ERCC1: variants seen among roughly 807,000 people sequenced by gnomAD.
ERCC1 encodes DNA excision repair protein ERCC-1.
A neutral mutation model predicts 37.6 loss-of-function variants in ERCC1; 36 were observed. That is an observed-to-expected ratio of 0.96 (90% CI 0.73 to 1.26). The LOEUF (loss-of-function observed/expected upper bound fraction) is 1.26, where lower values mean the gene tolerates loss of function less well. Among genes scored for constraint, ERCC1 ranks in the 50% most tolerant of loss-of-function variants. ERCC1 has a pLI of 0.00. For synonymous variants in ERCC1, 156 were observed against 162.1 expected (o/e 0.96, Z 0.28); for missense variants, 349 against 376.5 (o/e 0.93, Z 0.60).
chr19:45,415,651 A>AC (rs1279199980), intron 6 of ERCC1, among the ~76,000 whole-genome samples: 2 of 151,616 alleles, frequency 1.3e-5, no homozygotes, highest in Admixed American at 1.3e-4. Context: ...AAAAAAAAAA[A>AC]AAAAAAACAA....
At chr19:45,428,067 T>TTTTC (rs1174150788), upstream of ERCC1, among the ~76,000 whole-genome samples, 721 of 145,930 alleles carry the variant, frequency 4.9e-3, 1 homozygote, top group Non-Finnish European at 8.2e-3. Context: ...CTTTTTTTCT[T>TTTTC]TTTCTTTCTT....
At chr19:45,428,240 G>T (rs1357346245), upstream of ERCC1, among the ~76,000 whole-genome samples, 1 of 141,236 alleles carries the variant, frequency 7.1e-6, no homozygotes, top group Non-Finnish European at 1.5e-5. Context: ...GCGCCACCAC[G>T]CCTGGCCAAC....
chr19:45,420,120 C>G lies in ERCC1; in HGVS notation c.425+204G>C, dbSNP rs1353148407. Among the ~76,000 whole-genome samples the G allele has an allele frequency of 6.6e-6, 1 of 152,110 alleles. No individual in the cohort carries two copies. Among genetic ancestry groups the G allele is most frequent in the Admixed American group, 6.5e-5 (1 of 15,272 alleles). On this transcript the variant is annotated intron_variant, in intron 4 of 9. Coordinates refer to ENST00000300853, the MANE Select transcript of ERCC1 (RefSeq NM_001983.4). The surrounding 1 kb of genome is among the most constrained non-coding windows in gnomAD (Gnocchi z 4.8). ...CCCCCAGCCCCTCCTTCCTGAGACCCAGGAGTTCGGGCTCCAGCTCTTGTT... is the reference window on the plus strand; with the variant it reads ...CCCCCAGCCCCTCCTTCCTGAGACCGAGGAGTTCGGGCTCCAGCTCTTGTT...
chr19:45,422,055 C>T (rs185480699), intron 2 of ERCC1, among the ~76,000 whole-genome samples: 3 of 152,068 alleles, frequency 2.0e-5, no homozygotes, highest in African/African-American at 7.2e-5. Flanking sequence ...CTGGTCCCAG[C>T]CACCAGCGTT....
chr19:45,431,522 C>T (rs1974829087), intron 1 of ERCC1, among the ~76,000 whole-genome samples: 2 of 152,112 alleles, frequency 1.3e-5, no homozygotes, highest in African/African-American at 4.8e-5. Context: ...ACTAAAAATA[C>T]AAAAATTAGC....
intron 7 of ERCC1, chr19:45,414,605 C>T (rs572115787): frequency 2.7e-5 from 13 of 485,020 alleles, no homozygotes; most frequent in Non-Finnish European, 4.5e-5. Context: ...CTGAGCCTGA[C>T]GGGCCCTTGT....
intron 1 of ERCC1, chr19:45,450,601 C>A (rs1168728643): frequency 6.6e-6 from 1 of 152,172 alleles, no homozygotes; most frequent in East Asian, 1.9e-4. Context: ...GAAACCCCGT[C>A]TCTACTAAAA....
chr19:45,428,522 A>G (rs1325015715), upstream of ERCC1, among the ~76,000 whole-genome samples: 3 of 152,084 alleles, frequency 2.0e-5, no homozygotes, highest in East Asian at 5.8e-4. Flanking sequence ...CAAACGCCCC[A>G]AGTTCCAGAA....
chr19:45,424,097 C>A, upstream of ERCC1: 1 of 1,034,230 alleles, frequency 9.7e-7, no homozygotes, highest in Non-Finnish European at 1.2e-6. Context: ...TGCCCAGAAT[C>A]CTGGCAGGGC....
At chr19:45,450,063 T>C (rs539154983) in intron 1 of ERCC1, among the ~76,000 whole-genome samples, 67 of 152,322 alleles carry the variant, frequency 4.4e-4, no homozygotes, top group African/African-American at 1.5e-3. Context: ...ATGTACTAAG[T>C]GCTTTACCGG....
chr19:45,409,477 G>A lies in ERCC1; in HGVS notation c.*198C>T. 6.2e-7 allele frequency: 1 copy of A among 1,604,012 alleles called. No individual in the cohort carries two copies. Reference sequence around the variant, plus strand: ...CCACAGGCCGGGACAAGAAGCGGAAGCAGCAGCAGCAGCAGCCTGTGTAGT... The same window carrying A: ...CCACAGGCCGGGACAAGAAGCGGAAACAGCAGCAGCAGCAGCCTGTGTAGT... On this transcript the variant is annotated 3_prime_UTR_variant, in exon 10 of 10. Coordinates refer to ENST00000300853, the MANE Select transcript of ERCC1 (RefSeq NM_001983.4).
chr19:45,443,612 C>T (rs1273165764), intron 1 of ERCC1, among the ~76,000 whole-genome samples: 7 of 152,166 alleles, frequency 4.6e-5, no homozygotes, highest in Non-Finnish European at 7.4e-5. Context: ...TCAGGCCCCG[C>T]CCCCGGGAGC....
At chr19:45,421,791 G>A (rs3212944) in intron 2 of ERCC1, among the ~76,000 whole-genome samples, 32 of 151,882 alleles carry the variant, frequency 2.1e-4, no homozygotes, top group African/African-American at 7.2e-4. Context: ...GTACCACCAC[G>A]CTGGCTAATT....
intron 5 of ERCC1, among the ~76,000 whole-genome samples, chr19:45,417,557 G>A (rs955183296): frequency 1.3e-5 from 2 of 152,098 alleles, no homozygotes; most frequent in Non-Finnish European, 2.9e-5. Flanking sequence ...CGGGAGAGAG[G>A]ATGTGAAATT....
intron 1 of ERCC1, among the ~76,000 whole-genome samples, chr19:45,431,402 G>A (rs2123571463): frequency 6.6e-6 from 1 of 152,272 alleles, no homozygotes; most frequent in South Asian, 2.1e-4. Context: ...TGGAGGGCCG[G>A]GAGCAGTGGC....
At chr19:45,441,134 G>A (rs763551133) in intron 1 of ERCC1, among the ~76,000 whole-genome samples, 2 of 152,230 alleles carry the variant, frequency 1.3e-5, no homozygotes, top group Non-Finnish European at 2.9e-5. Flanking sequence ...CCTGGGCCTA[G>A]GTCTTCCCTT....
chr19:45,414,789 T>C (rs943208803), intron 7 of ERCC1, 72 bp downstream of exon 7: 94 of 1,060,944 alleles, frequency 8.9e-5, no homozygotes, highest in African/African-American at 6.2e-5. Context: ...TGCCTTAAAA[T>C]TGGAACTGAA....
chr19:45,448,136 T>C (rs1967005616), intron 1 of ERCC1, among the ~76,000 whole-genome samples: 1 of 152,154 alleles, frequency 6.6e-6, no homozygotes, highest in African/African-American at 2.4e-5. Context: ...CCTCCCAAAG[T>C]GTTGGGATTA....
In ERCC1 at chr19:45,409,476, A is replaced by G. The variant is rs768155232; in HGVS notation, c.*199T>C. On this transcript the variant is annotated 3_prime_UTR_variant, in exon 10 of 10. Transcript: ENST00000300853. The stretch of plus-strand genomic sequence containing the variant: ...CCCACAGGCCGGGACAAGAAGCGGA[A>G]GCAGCAGCAGCAGCAGCCTGTGTAG... 2.5e-6 allele frequency: 4 copies of G among 1,603,980 alleles called. No individual in the cohort carries two copies. The African/African-American group carries it at 5.4e-5, about 21-fold the overall frequency.
Sources: gnomAD v4.1 joint callset for allele counts (sites outside exome capture counted in the v4.1 genomes callset) on GRCh38, gnomAD v4.1.1 for gene constraint, Gnocchi (gnomAD v3.1) non-coding constraint, MANE v1.5 for transcripts, NCBI Gene and HGNC (gene_info 2026-07-23, HGNC 2026-07-21) for gene names.